Variants in LGMN observed in about 807,000 individuals in gnomAD.
LGMN encodes the protein legumain.
Under a neutral mutation model 56.8 loss-of-function variants are expected in LGMN, and 36 were observed. That is an observed-to-expected ratio of 0.63 (90% CI 0.49 to 0.84). LGMN has a LOEUF of 0.84. LGMN is among the 40% of genes least tolerant of loss of function. The pLI is 0.00. For synonymous variants in LGMN, 199 were observed against 210.1 expected, an observed-to-expected ratio of 0.95 and a Z score of 0.46; for missense variants, 446 against 556.1, an observed-to-expected ratio of 0.80 and a Z score of 1.99.
In LGMN at chr14:92,730,358, T is replaced by C. The variant is rs184660970; in HGVS notation, c.138+2291A>G. ...ATGAGTTATTCATTCATTCCGTGAA[T>C]GTAAATACAGACTGGATTTCAATGA... On this transcript the variant is annotated intron_variant, in intron 2 of 13. Transcript: ENST00000334869. Among the ~76,000 whole-genome samples, 16 of 152,362 alleles carry C rather than the reference T, an allele frequency of 1.1e-4. No individual in the cohort carries two copies. The East Asian group carries it at 2.9e-3, about 28-fold the overall frequency.
rs1465040233 is a variant in LGMN, at chr14:92,717,475, GAC to G, written c.237-16_237-15del. 4.4e-6 allele frequency: 7 copies of G among 1,597,064 alleles called. 1 individual carries two copies. In the African/African-American group the frequency reaches 5.4e-5, roughly 12 times the overall value. On this transcript the variant is annotated splice_polypyrimidine_tract_variant and intron_variant, in intron 3 of 13. Transcript: ENST00000334869. ...GGAGTGGGATTGCTGAAAATTAAAGGACACAATTTAAACGAGATGTGGCATGC... is the reference window on the plus strand; with the variant it reads ...GGAGTGGGATTGCTGAAAATTAAAGGACAATTTAAACGAGATGTGGCATGC...
chr14:92,732,571 A>G (rs1250975947), intron 2 of LGMN, 78 bp downstream of exon 2: 3 of 1,504,076 alleles, frequency 2.0e-6, no homozygotes, highest in Non-Finnish European at 2.7e-6. Flanking sequence ...AGTCTTTTCT[A>G]TTTAATATTA....
rs532790532 is a variant in LGMN at position 92,737,167 on chromosome 14, G to GA, written c.-29-4353dup. On this transcript the variant is annotated intron_variant, in intron 1 of 13. Coordinates refer to ENST00000334869, the MANE Select transcript of LGMN (RefSeq NM_005606.7). The stretch of plus-strand genomic sequence containing the variant: ...CTATTCAACTCTGCCACTGTATCTT[G>GA]AAAGCAGCCAGTCACCAAGTACTTG... Among the ~76,000 whole-genome samples the GA allele has an allele frequency of 4.0e-3, 612 of 152,316 alleles. 3 individuals carry two copies. Among genetic ancestry groups the GA allele is most frequent in the Middle Eastern group, 0.01 (3 of 294 alleles).
intron 1 of LGMN, among the ~76,000 whole-genome samples, chr14:92,738,404 G>A (rs561114972): frequency 6.6e-6 from 1 of 151,008 alleles, no homozygotes; most frequent in East Asian, 2.0e-4. Flanking sequence ...TCAGCCTCCC[G>A]AGCAGCTGGG....
intron 2 of LGMN, among the ~76,000 whole-genome samples, chr14:92,725,853 G>A (rs972287531): frequency 6.6e-6 from 1 of 152,090 alleles, no homozygotes; most frequent in Non-Finnish European, 1.5e-5. Context: ...GAAATTACAG[G>A]TGTGAGCCAC....
At chr14:92,745,995 T>C (rs1457651464) in intron 1 of LGMN, among the ~76,000 whole-genome samples, 1 of 152,070 alleles carries the variant, frequency 6.6e-6, no homozygotes, top group Non-Finnish European at 1.5e-5. Flanking sequence ...CTAATTTCTG[T>C]ATTTTTTAGT....
intron 5 of LGMN, chr14:92,715,856 A>G (rs1890048912): frequency 4.1e-6 from 1 of 245,486 alleles, no homozygotes; most frequent in Non-Finnish European, 8.0e-6. Flanking sequence ...TCCCTGTGCT[A>G]TGATCCCCAG....
intron 2 of LGMN, among the ~76,000 whole-genome samples, chr14:92,720,039 A>G (rs181461408): frequency 9.8e-5 from 15 of 152,348 alleles, no homozygotes; most frequent in African/African-American, 3.6e-4. Flanking sequence ...GCAGACTGGC[A>G]CTTTGCCTGT....
rs571298786 is a variant in LGMN at position 92,728,635 on chromosome 14, C to A, written c.138+4014G>T. On this transcript the variant is annotated intron_variant, in intron 2 of 13. Coordinates refer to ENST00000334869, the MANE Select transcript of LGMN (RefSeq NM_005606.7). ...GGCTGTGTAAGTTTTCTATAATAAA[C>A]CTTAACATGTTAAATTTTTAATACA... 8.5e-5 allele frequency among the ~76,000 whole-genome samples: 13 copies of A among 152,158 alleles called. No homozygotes were observed. The South Asian group carries it at 2.3e-3, about 27-fold the overall frequency.
At position 92,714,238 on chromosome 14, in the gene LGMN, G is replaced by T. The variant is rs542046079; in HGVS notation, c.480+138C>A. 4 of 644,224 alleles carry T rather than the reference G, an allele frequency of 6.2e-6. No homozygotes were observed. The highest frequency in any genetic ancestry group is 5.5e-5 in the African/African-American group (3 of 54,678). The allele number at this position is 644,224 out of a possible 1,614,324, so 39.9% of individuals were successfully genotyped here. On this transcript the variant is annotated intron_variant, in intron 6 of 13. Coordinates refer to ENST00000334869, the MANE Select transcript of LGMN (RefSeq NM_005606.7). This position sits in a 1 kb window ranked among gnomAD's most constrained non-coding sequence, Gnocchi z 5.1. ...GGATAGATTTCAAGCTGCTAAACCTGTCCCCCACTCCCACCCACCACACGT... is the reference window on the plus strand; with the variant it reads ...GGATAGATTTCAAGCTGCTAAACCTTTCCCCCACTCCCACCCACCACACGT...
chr14:92,740,949 G>A (rs1891523522), intron 1 of LGMN: 1 of 152,336 alleles, frequency 6.6e-6, no homozygotes, highest in South Asian at 2.1e-4. Context: ...CATTTTGGGA[G>A]GCCGAGACGG....
intron 1 of LGMN, among the ~76,000 whole-genome samples, chr14:92,745,464 C>T (rs1381516614): frequency 6.6e-6 from 1 of 152,188 alleles, no homozygotes; most frequent in East Asian, 1.9e-4. Flanking sequence ...TATAAACCCA[C>T]TCATCTTTTT....
rs930441151 is a variant in LGMN, at chr14:92,703,874, A to G, written c.*445T>C. ...CACCTGCAGAATTAAATACAAAAGC[A>G]ATCAAAAATCATCATATTTTCTAAA... On this transcript the variant is annotated 3_prime_UTR_variant, in exon 14 of 14. Coordinates refer to ENST00000334869, the MANE Select transcript of LGMN (RefSeq NM_005606.7). The G allele has an allele frequency of 2.9e-5, 12 of 410,038 alleles. No homozygotes were observed. The highest frequency in any genetic ancestry group is 6.2e-5 in the African/African-American group (3 of 48,452). 25.4% of individuals were successfully genotyped at this position (410,038 alleles called of 1,614,324 possible). A position where few individuals can be genotyped will look rare whatever the true frequency, so the allele number is the denominator to read the frequency against.
rs35889328 is a variant in LGMN, at chr14:92,727,429, C to CAAAA, written c.138+5216_138+5219dup. On this transcript the variant is annotated intron_variant, in intron 2 of 13. Transcript: ENST00000334869. ...TGGGTGGCAGAGCAAGACTGCCTCA[C>CAAAA]AAAAAAAAAAAAAAAAAAAAAAAGG... Among the ~76,000 whole-genome samples the CAAAA allele has an allele frequency of 7.6e-4, 36 of 47,592 alleles. 1 individual carries two copies. The highest frequency in any genetic ancestry group is 1.1e-3 in the African/African-American group (13 of 11,820). 31.2% of individuals were successfully genotyped at this position (47,592 alleles called of 152,430 possible).
At position 92,704,724 on chromosome 14, in the gene LGMN, G is replaced by T; in HGVS notation, c.1192-17C>A. On this transcript the variant is annotated splice_polypyrimidine_tract_variant and intron_variant, in intron 12 of 13. Transcript: ENST00000334869. ...ATACTCGTACTGGGAGAAAACAAACGAGAAGAATGAAACTTCCTCATCTCA... is the reference window on the plus strand; with the variant it reads ...ATACTCGTACTGGGAGAAAACAAACTAGAAGAATGAAACTTCCTCATCTCA... 1 of 1,605,042 alleles carries T rather than the reference G, an allele frequency of 6.2e-7. No individual in the cohort carries two copies. The highest frequency in any genetic ancestry group is 8.5e-7 in the Non-Finnish European group (1 of 1,171,746).
At chr14:92,748,228 A>C (rs1242095) in intron 1 of LGMN, among the ~76,000 whole-genome samples, 60,648 of 151,558 alleles carry the variant, frequency 0.4, 14,593 homozygotes, top group African/African-American at 0.68. Context: ...CAGAGCACTG[A>C]GCCCTTCCAG....
At chr14:92,738,666 G>C (rs1483685452) in intron 1 of LGMN, among the ~76,000 whole-genome samples, 8 of 151,840 alleles carry the variant, frequency 5.3e-5, no homozygotes, top group African/African-American at 1.9e-4. Flanking sequence ...GTGATTCCCT[G>C]ACTACAACGC....
chr14:92,705,721 T>C (rs543375165), intron 12 of LGMN, among the ~76,000 whole-genome samples: 1 of 151,710 alleles, frequency 6.6e-6, no homozygotes, highest in East Asian at 2.0e-4. Context: ...TCCACCTCCC[T>C]GGTTCAAGCG....
intron 2 of LGMN, among the ~76,000 whole-genome samples, chr14:92,720,306 G>A (rs145187524): frequency 6.6e-6 from 1 of 152,278 alleles, no homozygotes; most frequent in East Asian, 1.9e-4. Context: ...TTTTATTATG[G>A]ATAAGGAAAA....
Sources: allele counts gnomAD v4.1 joint callset (sites outside exome capture counted in the v4.1 genomes callset), GRCh38; gene constraint gnomAD v4.1.1; non-coding constraint Gnocchi (gnomAD v3.1); transcripts MANE v1.5; gene names NCBI Gene and HGNC (gene_info 2026-07-23, HGNC 2026-07-21).